Variants in KALRN observed in about 807,000 individuals in gnomAD.
KALRN encodes kalirin RhoGEF kinase, also known as kalirin.
A neutral mutation model predicts 353.7 loss-of-function variants in KALRN; 70 were observed. The ratio of observed to expected loss-of-function variants is 0.20; its 90% CI spans 0.16 to 0.24. The LOEUF (loss-of-function observed/expected upper bound fraction) is 0.24, where lower values mean the gene tolerates loss of function less well. KALRN is among the 10% of genes least tolerant of loss of function. The pLI is 1.00. For missense variants in KALRN, 2,791 were observed against 3,756.7 expected (o/e 0.74, Z 6.72); for synonymous variants, 1,391 against 1,434.8 (o/e 0.97, Z 0.69).
intron 1 of KALRN, among the ~76,000 whole-genome samples, chr3:124,194,240 G>A (rs1220554127): frequency 6.6e-6 from 1 of 152,228 alleles, no homozygotes; most frequent in African/African-American, 2.4e-5. Context: ...AGCGATCGAT[G>A]TGGGCTGGAC....
intron 1 of KALRN, among the ~76,000 whole-genome samples, chr3:124,072,284 C>A (rs2060054723): frequency 2.0e-5 from 3 of 152,184 alleles, no homozygotes; most frequent in African/African-American, 7.2e-5. Flanking sequence ...TTGTTCTGTT[C>A]CGATCTGCTC....
chr3:124,306,818 G>A (rs2077749088), intron 6 of KALRN, among the ~76,000 whole-genome samples: 1 of 152,146 alleles, frequency 6.6e-6, no homozygotes, highest in African/African-American at 2.4e-5. Flanking sequence ...CAGAAACAAT[G>A]GAGGTCCAAA....
At chr3:124,679,208 T>G (rs1310843132) in intron 50 of KALRN, among the ~76,000 whole-genome samples, 3 of 152,252 alleles carry the variant, frequency 2.0e-5, no homozygotes, top group Non-Finnish European at 4.4e-5. Flanking sequence ...ACAACACTCA[T>G]GCTTCATTTT....
At chr3:124,263,071 A>C (rs1218943969) in intron 3 of KALRN, among the ~76,000 whole-genome samples, 2 of 152,222 alleles carry the variant, frequency 1.3e-5, no homozygotes, top group Non-Finnish European at 2.9e-5. Context: ...TGTTATAACT[A>C]TTCTGACCTT....
intron 33 of KALRN, among the ~76,000 whole-genome samples, chr3:124,548,181 C>G (rs950826961): frequency 6.6e-6 from 1 of 152,104 alleles, no homozygotes; most frequent in East Asian, 1.9e-4. Context: ...CTCATAACTA[C>G]AGGGGAAGGG....
intron 8 of KALRN, among the ~76,000 whole-genome samples, chr3:124,330,288 C>CACACA (rs2080410771): frequency 1.7e-5 from 2 of 117,782 alleles, no homozygotes; most frequent in East Asian, 2.4e-4. Flanking sequence ...ACACACACAC[C>CACACA]CCATACACCT....
chr3:124,692,289 C>T (rs912128939), intron 51 of KALRN, among the ~76,000 whole-genome samples: 14 of 152,228 alleles, frequency 9.2e-5, no homozygotes, highest in African/African-American at 3.1e-4. Context: ...AGTTGGGGCA[C>T]TCAGCCCAGA....
At chr3:124,486,713 C>T (rs547290649) in intron 28 of KALRN, among the ~76,000 whole-genome samples, 2 of 152,342 alleles carry the variant, frequency 1.3e-5, no homozygotes, top group Admixed American at 6.5e-5. Context: ...AGTGCAGCTC[C>T]AAGCCCTTTC....
chr3:124,718,102 A>G (rs11711269), intron 59 of KALRN, among the ~76,000 whole-genome samples: 53,697 of 149,090 alleles, frequency 0.36, 9,980 homozygotes, highest in East Asian at 0.52. Context: ...GTGAGCCAAC[A>G]CATCCATCCC....
At chr3:124,148,468 T>C (rs1055302772) in intron 1 of KALRN, among the ~76,000 whole-genome samples, 1 of 152,222 alleles carries the variant, frequency 6.6e-6, no homozygotes, top group Non-Finnish European at 1.5e-5. Flanking sequence ...TCTCTTAGTG[T>C]TTCTGTGTAA....
intron 37 of KALRN, among the ~76,000 whole-genome samples, chr3:124,646,391 C>CTTTTTTTTTCTT (rs2082720048): frequency 9.1e-6 from 1 of 110,492 alleles, no homozygotes; most frequent in Non-Finnish European, 1.8e-5. Flanking sequence ...CTTTTGTTTA[C>CTTTTTTTTTCTT]TTTTTTTTTT....
rs553020653 is a variant in KALRN at position 124,698,251 on chromosome 3, C to T, written c.7831+527C>T. Among the ~76,000 whole-genome samples, 208 of 152,404 alleles carry T rather than the reference C, an allele frequency of 1.4e-3. 1 individual carries two copies. Among genetic ancestry groups the T allele is most frequent in the South Asian group, 9.3e-3 (45 of 4,830 alleles). Reference sequence around the variant, plus strand: ...TCAGCCTCCGGAAGTGCTGGGATTACAGGCGTAAGCCACCGCGCCCGGCCT... The same window carrying T: ...TCAGCCTCCGGAAGTGCTGGGATTATAGGCGTAAGCCACCGCGCCCGGCCT... On this transcript the variant is annotated intron_variant, in intron 55 of 59. Coordinates refer to ENST00000682506, the MANE Select transcript of KALRN (RefSeq NM_001388419.1).
At chr3:124,227,629 C>T (rs560845374) in intron 1 of KALRN, among the ~76,000 whole-genome samples, 11 of 146,778 alleles carry the variant, frequency 7.5e-5, no homozygotes, top group African/African-American at 2.8e-4. Context: ...TTTAAAAGTC[C>T]CCCGGCTTCA....
intron 1 of KALRN, among the ~76,000 whole-genome samples, chr3:124,039,083 C>G (rs758204766): frequency 2.6e-5 from 4 of 152,222 alleles, no homozygotes; most frequent in Non-Finnish European, 5.9e-5. Flanking sequence ...TTCATCACAC[C>G]ACTGCTTGGT....
At chr3:124,667,435 T>C (rs1351779020) in intron 47 of KALRN, among the ~76,000 whole-genome samples, 1 of 152,236 alleles carries the variant, frequency 6.6e-6, no homozygotes, top group Non-Finnish European at 1.5e-5. Flanking sequence ...GATATATGTC[T>C]TGTGGCCATC....
chr3:124,436,272 C>T (rs1318821596), intron 17 of KALRN, among the ~76,000 whole-genome samples: 1 of 152,138 alleles, frequency 6.6e-6, no homozygotes, highest in Admixed American at 6.5e-5. Flanking sequence ...GTGACCTTGC[C>T]GAAGGTTACT....
Position 124,721,460 on chromosome 3 carries a change from C to T in KALRN, c.*1990C>T, listed in dbSNP as rs934965965. 1 of 152,018 alleles carries T rather than the reference C, an allele frequency of 6.6e-6. No individual in the cohort carries two copies. The highest frequency in any genetic ancestry group is 2.4e-5 in the African/African-American group (1 of 41,372). 9.4% of individuals were successfully genotyped at this position (152,018 alleles called of 1,614,324 possible). On this transcript the variant is annotated 3_prime_UTR_variant, in exon 60 of 60. Coordinates refer to ENST00000682506, the MANE Select transcript of KALRN (RefSeq NM_001388419.1). ...ATGTATTTACAAACACTCTATGATA[C>T]AATACATAAAAATTTAAAACATACA...
intron 1 of KALRN, among the ~76,000 whole-genome samples, chr3:124,166,177 G>A (rs1037776658): frequency 1.3e-5 from 2 of 152,046 alleles, no homozygotes; most frequent in Non-Finnish European, 2.9e-5. Flanking sequence ...CTACTTCTAT[G>A]TTCTTTGTGG....
intron 33 of KALRN, among the ~76,000 whole-genome samples, chr3:124,552,736 A>G (rs1203934644): frequency 6.6e-6 from 1 of 152,146 alleles, no homozygotes; most frequent in African/African-American, 2.4e-5. Context: ...AAGATATGTC[A>G]TTAAGGGTGC....
Sources: gnomAD v4.1 joint callset for allele counts (sites outside exome capture counted in the v4.1 genomes callset) on GRCh38, gnomAD v4.1.1 for gene constraint, MANE v1.5 for transcripts, NCBI Gene and HGNC (gene_info 2026-07-23, HGNC 2026-07-21) for gene names.